The following CCBE1 variants were observed in gnomAD, a reference collection of about 807,000 sequenced individuals.
The protein encoded by CCBE1 is collagen and calcium binding EGF domains 1.
In CCBE1, 37 loss-of-function variants were observed where a neutral mutation model predicts 50.0. The observed-to-expected ratio is 0.74, with a 90% CI of 0.57 to 0.97. The LOEUF (loss-of-function observed/expected upper bound fraction) is 0.97. CCBE1 is among the 50% of genes least tolerant of loss of function. CCBE1 has a pLI of 0.00. For synonymous variants in CCBE1, 234 were observed against 203.7 expected (o/e 1.15, Z -1.27); for missense variants, 538 against 523.8 (o/e 1.03, Z -0.26).
rs748817434 is a variant in CCBE1, at chr18:59,454,909, C to A, written c.596G>T (p.Cys199Phe). The A allele has an allele frequency of 6.2e-7, 1 of 1,614,216 alleles. No homozygotes were observed. Among genetic ancestry groups the A allele is most frequent in the Non-Finnish European group, 8.5e-7 (1 of 1,180,036 alleles). Residue 199 changes from cysteine to phenylalanine, a missense_variant, in exon 6 of 11, where the codon TGT (cysteine) becomes TTT (phenylalanine). Physicochemically the swap from Cys to Phe is radical, Grantham distance 205. Coordinates refer to ENST00000439986, the MANE Select transcript of CCBE1 (RefSeq NM_133459.4). The stretch of plus-strand genomic sequence containing the variant: ...CTGGTAGAACTCCTTGCATGTGGCA[C>A]AGCAAGTTCCGGCTTTCACCATGTT... ...SENMVKAGTC[C>F]ATCKEFYQMK...
At chr18:59,682,051 G>C (rs1331459532) in intron 2 of CCBE1, among the ~76,000 whole-genome samples, 1 of 152,220 alleles carries the variant, frequency 6.6e-6, no homozygotes, top group East Asian at 1.9e-4. Flanking sequence ...AAGGTAGGGA[G>C]AGGGTAGGTC....
rs188373597 is a variant in CCBE1 at position 59,496,406 on chromosome 18, A to T, written c.213-16168T>A. Among the ~76,000 whole-genome samples the T allele has an allele frequency of 1.6e-3, 248 of 152,336 alleles. 1 individual carries two copies. Among genetic ancestry groups the T allele is most frequent in the African/African-American group, 5.7e-3 (239 of 41,572 alleles). On this transcript the variant is annotated intron_variant, in intron 2 of 10. Transcript: ENST00000439986. ...CCTATCCAAGATATTATTTATAAAA[A>T]TAAGTGTCATAATTTTCTCTTTGTA... is the stretch of plus-strand genomic sequence containing the variant.
At chr18:59,634,777 A>G (rs1223259809) in intron 2 of CCBE1, among the ~76,000 whole-genome samples, 1 of 152,244 alleles carries the variant, frequency 6.6e-6, no homozygotes, top group Non-Finnish European at 1.5e-5. Flanking sequence ...TACATATGCA[A>G]AATACATAAT....
At chr18:59,664,809 C>T (rs891513027) in intron 2 of CCBE1, among the ~76,000 whole-genome samples, 3 of 152,096 alleles carry the variant, frequency 2.0e-5, no homozygotes, top group Non-Finnish European at 4.4e-5. Context: ...CCAATTCATG[C>T]GACTGTCTCA....
chr18:59,544,081 ACATT>A (rs1286075373), intron 2 of CCBE1, among the ~76,000 whole-genome samples: 2 of 152,206 alleles, frequency 1.3e-5, no homozygotes, highest in Non-Finnish European at 2.9e-5. Context: ...AATTTTATCT[ACATT>A]CATTCTGTAA....
chr18:59,508,098 G>C (rs1027816698), intron 2 of CCBE1, among the ~76,000 whole-genome samples: 1 of 151,564 alleles, frequency 6.6e-6, no homozygotes, highest in African/African-American at 2.4e-5. Context: ...TCACCGTGTC[G>C]GCCAGGATGA....
intron 2 of CCBE1, among the ~76,000 whole-genome samples, chr18:59,620,922 G>A (rs888852296): frequency 2.0e-5 from 3 of 152,142 alleles, no homozygotes; most frequent in Non-Finnish European, 4.4e-5. Context: ...CACTGGCCAG[G>A]GCTGTCCAGG....
chr18:59,618,613 A>C (rs2053669768), intron 2 of CCBE1, among the ~76,000 whole-genome samples: 1 of 152,068 alleles, frequency 6.6e-6, no homozygotes, highest in Non-Finnish European at 1.5e-5. Context: ...TTTTCGGTAG[A>C]GATGGGGTTT....
chr18:59,554,912 G>A (rs1423958373), intron 2 of CCBE1, among the ~76,000 whole-genome samples: 7 of 152,220 alleles, frequency 4.6e-5, no homozygotes, highest in South Asian at 2.1e-4. Flanking sequence ...TAGTCAGACC[G>A]CAGGTCTCTG....
intron 2 of CCBE1, among the ~76,000 whole-genome samples, chr18:59,572,211 A>G (rs920010862): frequency 1.3e-5 from 2 of 152,216 alleles, no homozygotes; most frequent in South Asian, 4.1e-4. Flanking sequence ...AATGTCTTGC[A>G]CTATCAAATC....
chr18:59,502,622 A>G (rs1376765095), intron 2 of CCBE1, among the ~76,000 whole-genome samples: 1 of 152,172 alleles, frequency 6.6e-6, no homozygotes, highest in Non-Finnish European at 1.5e-5. Context: ...ACTTGAGCCC[A>G]ACTCTGAGCC....
chr18:59,601,289 C>T (rs547247634), intron 2 of CCBE1, among the ~76,000 whole-genome samples: 2 of 151,906 alleles, frequency 1.3e-5, no homozygotes, highest in African/African-American at 2.4e-5. Context: ...ATAATCCCCA[C>T]GTGTCATGGG....
At chr18:59,577,515 G>A (rs1276936215) in intron 2 of CCBE1, among the ~76,000 whole-genome samples, 1 of 152,192 alleles carries the variant, frequency 6.6e-6, no homozygotes, top group African/African-American at 2.4e-5. Context: ...CACATTTGAT[G>A]AAAATATGCT....
intron 2 of CCBE1, among the ~76,000 whole-genome samples, chr18:59,546,907 C>A (rs1915706556): frequency 1.3e-5 from 2 of 151,988 alleles, no homozygotes; most frequent in South Asian, 4.2e-4. Context: ...GTTTTTCTAG[C>A]AGTAAAACAG....
chr18:59,613,737 A>T (rs1006397250), intron 2 of CCBE1, among the ~76,000 whole-genome samples: 8 of 142,726 alleles, frequency 5.6e-5, no homozygotes, highest in Admixed American at 4.1e-4. Flanking sequence ...CATCTTTATT[A>T]AAAAAAAAAA....
At chr18:59,513,271 GCACT>G (rs1914213947) in intron 2 of CCBE1, among the ~76,000 whole-genome samples, 1 of 152,152 alleles carries the variant, frequency 6.6e-6, no homozygotes, top group Non-Finnish European at 1.5e-5. Context: ...TTGTGCCACT[GCACT>G]CTAACCTGGG....
intron 2 of CCBE1, among the ~76,000 whole-genome samples, chr18:59,585,637 T>G (rs1046060048): frequency 6.6e-6 from 1 of 152,150 alleles, no homozygotes; most frequent in African/African-American, 2.4e-5. Context: ...CAAAACAACT[T>G]TTTAGCCATC....
chr18:59,577,691 T>C (rs928303979), intron 2 of CCBE1, among the ~76,000 whole-genome samples: 5 of 152,228 alleles, frequency 3.3e-5, no homozygotes, highest in African/African-American at 9.6e-5. Flanking sequence ...AACGAGGTAG[T>C]TGTAGTGTTA....
intron 2 of CCBE1, among the ~76,000 whole-genome samples, chr18:59,686,528 G>A (rs555391627): frequency 1.3e-3 from 191 of 152,322 alleles, no homozygotes; most frequent in Middle Eastern, 3.4e-3. Flanking sequence ...TTCTGACAGT[G>A]AGTCCTCACA....
Sources: allele counts gnomAD v4.1 joint callset (sites outside exome capture counted in the v4.1 genomes callset), GRCh38; gene constraint gnomAD v4.1.1; transcripts MANE v1.5; gene names NCBI Gene and HGNC (gene_info 2026-07-23, HGNC 2026-07-21).